The following ASIC2 variants were observed in gnomAD, a reference collection of about 807,000 sequenced individuals.
ASIC2 encodes acid sensing ion channel subunit 2.
Under a neutral mutation model 57.3 loss-of-function variants are expected in ASIC2, and 25 were observed. That is an observed-to-expected ratio of 0.44 (90% confidence interval 0.32 to 0.61). ASIC2 has a LOEUF of 0.61. Ranked by LOEUF, ASIC2 falls within the 20% of genes least tolerant of loss-of-function variation. The pLI is 0.06. For missense variants in ASIC2, 641 were observed against 738.1 expected, an observed-to-expected ratio of 0.87 and a Z score of 1.52; for synonymous variants, 319 against 307.5, an observed-to-expected ratio of 1.04 and a Z score of -0.39.
chr17:33,305,244 A>G (rs1055303593), intron 1 of ASIC2, among the ~76,000 whole-genome samples: 5 of 152,182 alleles, frequency 3.3e-5, no homozygotes, highest in Non-Finnish European at 7.3e-5. Context: ...TTTCAGATTA[A>G]ACGCAGATTT....
chr17:33,678,705 G>A (rs1192265349), intron 1 of ASIC2, among the ~76,000 whole-genome samples: 1 of 152,068 alleles, frequency 6.6e-6, no homozygotes, highest in African/African-American at 2.4e-5. Context: ...GAGGAGTTTG[G>A]CCCTGTCCAG....
intron 1 of ASIC2, among the ~76,000 whole-genome samples, chr17:33,556,289 C>T (rs774221144): frequency 4.6e-5 from 7 of 152,178 alleles, no homozygotes; most frequent in African/African-American, 9.7e-5. Flanking sequence ...AACTGAGTAA[C>T]TGGAGTTCCT....
chr17:34,096,681 C>T (rs934633302), intron 1 of ASIC2, among the ~76,000 whole-genome samples: 2 of 151,536 alleles, frequency 1.3e-5, no homozygotes, highest in Non-Finnish European at 2.9e-5. Context: ...GGTGAAACCC[C>T]GTCTCTACTA....
intron 1 of ASIC2, chr17:34,002,675 G>A (rs903954756): frequency 2.0e-5 from 3 of 152,066 alleles, no homozygotes; most frequent in Admixed American, 2.0e-4. Flanking sequence ...TGCTGTATCC[G>A]GAATAACTTA....
At chr17:33,543,374 C>A (rs553988993) in intron 1 of ASIC2, among the ~76,000 whole-genome samples, 1 of 152,172 alleles carries the variant, frequency 6.6e-6, no homozygotes, top group South Asian at 2.1e-4. Flanking sequence ...TTTGGGGCCT[C>A]TATGCAAAAT....
chr17:33,830,675 A>T (rs996197398), intron 1 of ASIC2, among the ~76,000 whole-genome samples: 3 of 152,064 alleles, frequency 2.0e-5, no homozygotes, highest in African/African-American at 7.2e-5. Flanking sequence ...TTTAAGCCAC[A>T]CACGCATTAG....
At chr17:33,933,445 A>G (rs1404117217) in intron 1 of ASIC2, among the ~76,000 whole-genome samples, 2 of 152,216 alleles carry the variant, frequency 1.3e-5, no homozygotes, top group Non-Finnish European at 2.9e-5. Flanking sequence ...CACAAACATC[A>G]ATGCTGCAAG....
At chr17:33,381,432 G>C (rs56144928) in intron 1 of ASIC2, among the ~76,000 whole-genome samples, 1 of 152,140 alleles carries the variant, frequency 6.6e-6, no homozygotes, top group Non-Finnish European at 1.5e-5. Context: ...CAGCCCAGCC[G>C]CAGGCTTCCT....
chr17:33,182,158 A>G (rs895078473), intron 1 of ASIC2, among the ~76,000 whole-genome samples: 1 of 152,184 alleles, frequency 6.6e-6, no homozygotes, highest in East Asian at 1.9e-4. Flanking sequence ...TGATACGGTG[A>G]CAGCCTGGAG....
intron 1 of ASIC2, among the ~76,000 whole-genome samples, chr17:34,092,837 T>C (rs549723477): frequency 3.3e-5 from 5 of 152,330 alleles, no homozygotes; most frequent in East Asian, 3.9e-4. Flanking sequence ...ATCTGGAATT[T>C]AGGCTTTACT....
At chr17:33,927,326 T>A (rs963273210) in intron 1 of ASIC2, among the ~76,000 whole-genome samples, 3 of 152,186 alleles carry the variant, frequency 2.0e-5, no homozygotes, top group Non-Finnish European at 4.4e-5. Flanking sequence ...CCTCCCAAAA[T>A]TCTTATGTTG....
chr17:33,726,664 GA>G (rs1909571135), intron 1 of ASIC2, among the ~76,000 whole-genome samples: 3 of 152,268 alleles, frequency 2.0e-5, no homozygotes, highest in African/African-American at 7.2e-5. Context: ...TCCCTCAGCT[GA>G]AAAACCCTGA....
At chr17:33,567,467 G>A (rs1916273198) in intron 1 of ASIC2, among the ~76,000 whole-genome samples, 1 of 152,176 alleles carries the variant, frequency 6.6e-6, no homozygotes, top group Non-Finnish European at 1.5e-5. Flanking sequence ...GGGTATGAGA[G>A]GAGCAAGTGC....
intron 1 of ASIC2, among the ~76,000 whole-genome samples, chr17:33,631,535 T>C (rs989523289): frequency 3.3e-5 from 5 of 152,060 alleles, no homozygotes; most frequent in African/African-American, 9.7e-5. Flanking sequence ...ATCAGTAAAA[T>C]GGGGATAAGA....
At chr17:33,570,894 G>A (rs181721799) in intron 1 of ASIC2, among the ~76,000 whole-genome samples, 2 of 152,168 alleles carry the variant, frequency 1.3e-5, no homozygotes, top group African/African-American at 4.8e-5. Flanking sequence ...GAGTATAAAC[G>A]CAGATGCTTC....
chr17:33,407,325 C>T (rs965148942), intron 1 of ASIC2, among the ~76,000 whole-genome samples: 2 of 152,170 alleles, frequency 1.3e-5, no homozygotes, highest in African/African-American at 2.4e-5. Context: ...GTTCTAATAA[C>T]CATTATTTTA....
rs371775515 is a variant in ASIC2 at position 33,450,165 on chromosome 17, CAAG to C, written c.556-338101_556-338099del. Among the ~76,000 whole-genome samples, 42 of 152,310 alleles carry C rather than the reference CAAG, an allele frequency of 2.8e-4. No individual in the cohort carries two copies. The East Asian group carries it at 7.1e-3, about 26-fold the overall frequency. ...AAAAGGCTAGTTTAATAAATTGTGG[CAAG>C]TAACTATGTACCTGTTTTGAAGACA... On this transcript the variant is annotated intron_variant, in intron 1 of 9. Coordinates refer to the ASIC2 transcript ENST00000359872.
At chr17:34,031,607 GC>G (rs1201087557) in intron 1 of ASIC2, among the ~76,000 whole-genome samples, 1 of 151,988 alleles carries the variant, frequency 6.6e-6, no homozygotes, top group Non-Finnish European at 1.5e-5. Flanking sequence ...GAAGTTAAAA[GC>G]TTTGAAAAAA....
chr17:33,579,809 T>G (rs551138477), intron 1 of ASIC2, among the ~76,000 whole-genome samples: 1 of 152,074 alleles, frequency 6.6e-6, no homozygotes, highest in Non-Finnish European at 1.5e-5. Context: ...AAAACACCCC[T>G]TGGATTTCGG....
Sources: gnomAD v4.1 joint callset for allele counts (sites outside exome capture counted in the v4.1 genomes callset) on GRCh38, gnomAD v4.1.1 for gene constraint, MANE v1.5 for transcripts, NCBI Gene and HGNC (gene_info 2026-07-23, HGNC 2026-07-21) for gene names.